KDM2A: variants seen among roughly 807,000 people sequenced by gnomAD.
KDM2A encodes the protein lysine-specific demethylase 2A.
Under a neutral mutation model 137.3 loss-of-function variants are expected in KDM2A, and 3 were observed. The observed-to-expected ratio is 0.02, with a 90% CI of 0.01 to 0.06. The LOEUF (loss-of-function observed/expected upper bound fraction) is 0.06, where lower values mean the gene tolerates loss of function less well. Ranked by LOEUF, KDM2A falls within the 10% of genes least tolerant of loss-of-function variation. KDM2A has a pLI of 1.00. For synonymous variants in KDM2A, 512 were observed against 541.5 expected (o/e 0.95, Z 0.76); for missense variants, 738 against 1,510.6 (o/e 0.49, Z 8.48).
At chr11:67,203,616 A>C (rs569481016) in intron 5 of KDM2A, among the ~76,000 whole-genome samples, 15 of 151,154 alleles carry the variant, frequency 9.9e-5, no homozygotes, top group African/African-American at 3.6e-4. Context: ...TTAACTGGGT[A>C]TGGTGGCATG....
intron 2 of KDM2A, among the ~76,000 whole-genome samples, chr11:67,149,664 AAGAAT>A (rs1460031011): frequency 1.3e-5 from 2 of 151,784 alleles, no homozygotes; most frequent in African/African-American, 4.8e-5. Flanking sequence ...TTTATAGATG[AAGAAT>A]AGAAAAGATA....
chr11:67,203,800 T>C (rs919893571), intron 5 of KDM2A, among the ~76,000 whole-genome samples: 6 of 151,364 alleles, frequency 4.0e-5, no homozygotes, highest in African/African-American at 7.3e-5. Context: ...CTTTTTTTTT[T>C]TTTTCTTTTT....
At chr11:67,209,906 G>A (rs769615374) in intron 6 of KDM2A, among the ~76,000 whole-genome samples, 5 of 152,030 alleles carry the variant, frequency 3.3e-5, no homozygotes, top group African/African-American at 4.8e-5. Context: ...ACAAAATTTG[G>A]AAACTTAGCC....
intron 5 of KDM2A, chr11:67,197,179 T>C (rs1487455945): frequency 6.6e-6 from 1 of 151,100 alleles, no homozygotes; most frequent in Non-Finnish European, 1.5e-5. Context: ...AATAAACTTT[T>C]TTTTTTTTTT....
chr11:67,249,946 G>T (rs576756982), intron 16 of KDM2A, 140 bp from the exon 17 acceptor site: 88 of 678,622 alleles, frequency 1.3e-4, no homozygotes, highest in African/African-American at 6.1e-4. Context: ...AGCCTGGGCC[G>T]ACTCTGAGGG....
chr11:67,208,088 C>CTTG (rs1857865793), intron 6 of KDM2A, among the ~76,000 whole-genome samples: 1 of 151,948 alleles, frequency 6.6e-6, no homozygotes, highest in Non-Finnish European at 1.5e-5. Flanking sequence ...ACTTTTTGCA[C>CTTG]ATATCAAGAT....
intron 2 of KDM2A, among the ~76,000 whole-genome samples, chr11:67,163,349 A>G (rs1856674731): frequency 6.6e-6 from 1 of 152,214 alleles, no homozygotes; most frequent in Non-Finnish European, 1.5e-5. Context: ...CCCTAGGATT[A>G]GACATTTGAT....
intron 5 of KDM2A, among the ~76,000 whole-genome samples, chr11:67,184,877 C>T (rs1453875330): frequency 6.6e-6 from 1 of 151,866 alleles, no homozygotes; most frequent in Non-Finnish European, 1.5e-5. Context: ...ACACAAAAAA[C>T]CCTGGGGAAG....
At chr11:67,132,752 T>C (rs539640552) in intron 2 of KDM2A, among the ~76,000 whole-genome samples, 1 of 151,298 alleles carries the variant, frequency 6.6e-6, no homozygotes, top group Admixed American at 6.6e-5. Flanking sequence ...AGGTCTCTCA[T>C]TAGCAGCATG....
At chr11:67,246,884 T>C (rs1859232342) in intron 15 of KDM2A, among the ~76,000 whole-genome samples, 1 of 151,436 alleles carries the variant, frequency 6.6e-6, no homozygotes, top group African/African-American at 2.4e-5. Flanking sequence ...ACAGAAACAA[T>C]AGTAGGTCAG....
chr11:67,236,001 A>G (rs1270947185), intron 12 of KDM2A, among the ~76,000 whole-genome samples: 1 of 152,256 alleles, frequency 6.6e-6, no homozygotes, highest in African/African-American at 2.4e-5. Context: ...AACAGTATGT[A>G]TAGTACCATC....
chr11:67,208,361 C>T (rs1418573669), intron 6 of KDM2A, among the ~76,000 whole-genome samples: 1 of 151,912 alleles, frequency 6.6e-6, no homozygotes, highest in Non-Finnish European at 1.5e-5. Context: ...GCGTGAGCCA[C>T]CGTGCCTGGG....
chr11:67,242,992 T>C lies in KDM2A; in HGVS notation c.1480-17T>C, dbSNP rs781040028. ...CACCCTGCCCTGATTTTTCCTTCTTTTCCCTCCTACCCTTAGATTTTGCTG... is the reference window on the plus strand; with the variant it reads ...CACCCTGCCCTGATTTTTCCTTCTTCTCCCTCCTACCCTTAGATTTTGCTG... On this transcript the variant is annotated splice_polypyrimidine_tract_variant and intron_variant, in intron 12 of 20. Coordinates refer to ENST00000529006, the MANE Select transcript of KDM2A (RefSeq NM_012308.3). The C allele has an allele frequency of 1.2e-6, 2 of 1,610,906 alleles. No homozygotes were observed. The highest frequency in any genetic ancestry group is 8.5e-7 in the Non-Finnish European group (1 of 1,177,232).
chr11:67,240,136 G>A, intron 12 of KDM2A: 2 of 1,411,892 alleles, frequency 1.4e-6, no homozygotes, highest in South Asian at 3.1e-5. Flanking sequence ...AAGGGCTCGA[G>A]AAGGAGCCCA....
At chr11:67,229,806 G>T (rs1485774528) in intron 11 of KDM2A, among the ~76,000 whole-genome samples, 3 of 151,552 alleles carry the variant, frequency 2.0e-5, no homozygotes, top group Non-Finnish European at 1.5e-5. Context: ...GGAGGTGGAG[G>T]TTGCAGTGAG....
At chr11:67,162,708 C>T (rs1399897888) in intron 2 of KDM2A, among the ~76,000 whole-genome samples, 2 of 150,834 alleles carry the variant, frequency 1.3e-5, no homozygotes, top group African/African-American at 2.4e-5. Context: ...GCCCGGCCTG[C>T]GATTTTTAGT....
chr11:67,244,581 G>T (rs1257461021), intron 13 of KDM2A, among the ~76,000 whole-genome samples: 34 of 152,202 alleles, frequency 2.2e-4, no homozygotes, highest in Admixed American at 2.2e-3. Context: ...AGGCCAAAGG[G>T]CTAGGACAAG....
intron 2 of KDM2A, among the ~76,000 whole-genome samples, chr11:67,177,804 A>G (rs372149127): frequency 4.6e-5 from 7 of 152,210 alleles, no homozygotes; most frequent in African/African-American, 1.7e-4. Flanking sequence ...TACTATTCCT[A>G]ACAGTATGTG....
chr11:67,220,482 T>A (rs1858312372), intron 10 of KDM2A, among the ~76,000 whole-genome samples: 1 of 152,200 alleles, frequency 6.6e-6, no homozygotes, highest in Non-Finnish European at 1.5e-5. Flanking sequence ...TCAAAGCATC[T>A]TACTTTAATT....
Sources: gnomAD v4.1 joint callset for allele counts (sites outside exome capture counted in the v4.1 genomes callset) on GRCh38, gnomAD v4.1.1 for gene constraint, MANE v1.5 for transcripts, NCBI Gene and HGNC (gene_info 2026-07-23, HGNC 2026-07-21) for gene names.